Variants in TGFBRAP1 observed in about 807,000 individuals in gnomAD.
TGFBRAP1 encodes transforming growth factor beta receptor associated protein 1, also known as transforming growth factor-beta receptor-associated protein 1.
In TGFBRAP1, 20 loss-of-function variants were observed where a neutral mutation model predicts 83.2. The observed-to-expected ratio is 0.24, with a 90% CI of 0.17 to 0.35. The LOEUF (loss-of-function observed/expected upper bound fraction) is 0.35. Among genes scored for constraint, TGFBRAP1 ranks in the 10% least tolerant of loss-of-function variants. The pLI is 1.00. For missense variants in TGFBRAP1, 950 were observed against 1,099.4 expected (o/e 0.86, Z 1.92); for synonymous variants, 415 against 459.8 (o/e 0.90, Z 1.25).
intron 7 of TGFBRAP1, among the ~76,000 whole-genome samples, chr2:105,277,084 G>A (rs916190004): frequency 2.0e-5 from 3 of 152,174 alleles, no homozygotes; most frequent in African/African-American, 4.8e-5. Flanking sequence ...CTAATAAATC[G>A]ATGCCATTTT....
chr2:105,296,595 A>G (rs1678098065), intron 3 of TGFBRAP1, 85 bp from the exon 4 acceptor site: 2 of 1,459,254 alleles, frequency 1.4e-6, no homozygotes, highest in Non-Finnish European at 1.8e-6. Flanking sequence ...CTGGATCATT[A>G]CCTGATTTGT....
intron 9 of TGFBRAP1, 130 bp from the exon 10 acceptor site, chr2:105,273,144 G>C (rs1034431820): frequency 1.0e-5 from 12 of 1,165,650 alleles, no homozygotes; most frequent in Non-Finnish European, 1.2e-5. Context: ...CTCACTTGCT[G>C]GATCGAAACC....
intron 4 of TGFBRAP1, among the ~76,000 whole-genome samples, chr2:105,294,305 A>G (rs1248909960): frequency 1.2e-5 from 1 of 84,816 alleles, no homozygotes; most frequent in Non-Finnish European, 2.5e-5. Context: ...CATAGGAGTG[A>G]GGGTGTGTGT....
chr2:105,251,702 G>A, the TGFBRAP1 span, among the ~76,000 whole-genome samples: 2 of 152,144 alleles, frequency 1.3e-5, no homozygotes, highest in Admixed American at 1.3e-4. Flanking sequence ...GGAATAGAAA[G>A]GGGGGAAAGG....
At position 105,308,176 on chromosome 2, in the gene TGFBRAP1, G is replaced by A. The variant is rs981457656; in HGVS notation, c.126C>T (p.Asn42=). ...CCGRDLYVGT[N]DCFVYHFLLE... ...ACAGGAAGTGGTAGACGAAGCAGTC[G>A]TTGGTGCCCACGTAGAGGTCCCTGC... The change falls in exon 2 of 12, where the codon AAC becomes AAT. Residue 42 remains asparagine, a synonymous_variant. Coordinates refer to ENST00000393359, the MANE Select transcript of TGFBRAP1 (RefSeq NM_004257.6). 19 of 1,614,078 alleles carry A rather than the reference G, an allele frequency of 1.2e-5. No homozygotes were observed. The highest frequency in any genetic ancestry group is 2.2e-5 in the South Asian group (2 of 91,090).
At chr2:105,301,024 G>A (rs1678270722) in intron 2 of TGFBRAP1, among the ~76,000 whole-genome samples, 1 of 152,044 alleles carries the variant, frequency 6.6e-6, no homozygotes, top group African/African-American at 2.4e-5. Flanking sequence ...AGGAGTTCAA[G>A]ACCAGCCTGG....
intron 9 of TGFBRAP1, among the ~76,000 whole-genome samples, chr2:105,273,262 A>G (rs959694665): frequency 1.3e-5 from 2 of 152,162 alleles, no homozygotes; most frequent in Non-Finnish European, 2.9e-5. Context: ...ATAACCTACA[A>G]AAAGGTATAG....
At chr2:105,298,794 G>C in intron 2 of TGFBRAP1, 89 bp from the exon 3 acceptor site, 1 of 1,269,208 alleles carries the variant, frequency 7.9e-7, no homozygotes, top group Non-Finnish European at 1.1e-6. Context: ...ACCGACCCCT[G>C]CCCACCAGCA....
At chr2:105,290,877 G>A (rs1047511174) in intron 4 of TGFBRAP1, among the ~76,000 whole-genome samples, 16 of 151,942 alleles carry the variant, frequency 1.1e-4, no homozygotes, top group Admixed American at 5.9e-4. Context: ...GTCATGGCAC[G>A]TGCCTGTAAT....
In TGFBRAP1 at chr2:105,296,433, G is replaced by C. The variant is rs764771412; in HGVS notation, c.961C>G (p.Leu321Val). Reference protein sequence around the residue: ...LPLEKQIQDLLASRRVEEALV... With the variant: ...LPLEKQIQDLVASRRVEEALV... ...GCCTCTTCTACTCTGCGGCTTGCTA[G>C]AAGATCCTGTATTTGTTTTTCCAAA... Residue 321 changes from leucine to valine, a missense_variant, in exon 4 of 12, where the codon CTA becomes GTA. Physicochemically the swap from Leu to Val is conservative, Grantham distance 32. Transcript: ENST00000393359. 1 of 1,614,066 alleles carries C rather than the reference G, an allele frequency of 6.2e-7. No homozygotes were observed. The highest frequency in any genetic ancestry group is 8.5e-7 in the Non-Finnish European group (1 of 1,180,012).
chr2:105,293,633 T>C (rs1171829039), intron 4 of TGFBRAP1, among the ~76,000 whole-genome samples: 1 of 152,226 alleles, frequency 6.6e-6, no homozygotes, highest in Non-Finnish European at 1.5e-5. Flanking sequence ...GTTAACCATA[T>C]GAGCTGAATA....
chr2:105,292,084 G>A (rs1482245539), intron 4 of TGFBRAP1, among the ~76,000 whole-genome samples: 1 of 152,178 alleles, frequency 6.6e-6, no homozygotes, highest in African/African-American at 2.4e-5. Context: ...AAACTCAAGA[G>A]ACAGTGTCCC....
intron 1 of TGFBRAP1, among the ~76,000 whole-genome samples, chr2:105,318,171 C>T (rs1407960874): frequency 6.6e-6 from 1 of 152,170 alleles, no homozygotes; most frequent in Non-Finnish European, 1.5e-5. Context: ...CACAGCAATC[C>T]TGTTTGAGAC....
intron 4 of TGFBRAP1, among the ~76,000 whole-genome samples, chr2:105,291,487 A>G (rs891731273): frequency 6.6e-6 from 1 of 152,200 alleles, no homozygotes; most frequent in Non-Finnish European, 1.5e-5. Context: ...TTGGTTCATA[A>G]CAGCACTACT....
intron 6 of TGFBRAP1, among the ~76,000 whole-genome samples, chr2:105,278,068 A>ATGTGTGTGTGTG (rs56983977): frequency 1.0e-4 from 15 of 145,532 alleles, no homozygotes; most frequent in African/African-American, 3.3e-4. Flanking sequence ...CAAAAAATAT[A>ATGTGTGTGTGTG]TGTGTGTGTG....
rs1678541790 is a variant in TGFBRAP1 at position 105,307,501 on chromosome 2, G to A, written c.688+113C>T. ...CTGCTACCTCTGTCTTGCCACACAC[G>A]CCCAATGTCACTGAGGATTTATTCT... On this transcript the variant is annotated intron_variant, in intron 2 of 11. Transcript: ENST00000393359. The A allele has an allele frequency of 1.4e-5, 16 of 1,146,122 alleles. No individual in the cohort carries two copies. The highest frequency in any genetic ancestry group is 2.2e-5 in the Admixed American group (1 of 44,900). The allele number at this position is 1,146,122 out of a possible 1,614,324, so 71.0% of individuals were successfully genotyped here. A position where few individuals can be genotyped will look rare whatever the true frequency, so the allele number is the denominator to read the frequency against.
rs3060065 is a variant in TGFBRAP1 at position 105,290,616 on chromosome 2, AGTGTGTGTGTGTGTGTGTGT to A, written c.1038+5720_1038+5739del. Among the ~76,000 whole-genome samples the A allele has an allele frequency of 2.4e-4, 34 of 140,098 alleles. 1 individual carries two copies. The South Asian group carries it at 6.3e-3, about 26-fold the overall frequency. The allele number at this position is 140,098 out of a possible 152,430, so 91.9% of individuals were successfully genotyped here. ...GAGAGAAAGAGAGAAACAGAGAGAC[AGTGTGTGTGTGTGTGTGTGT>A]GTGTGTGTGTGTGTGTGTGTGTGAA... On this transcript the variant is annotated intron_variant, in intron 4 of 11. Coordinates refer to ENST00000393359, the MANE Select transcript of TGFBRAP1 (RefSeq NM_004257.6).
In TGFBRAP1 at chr2:105,324,086, T is replaced by C. The variant is rs966583110; in HGVS notation, c.-18+5539A>G. ...TTAAATGCAAAGTGGGGAAACTGGA[T>C]CAGAAAAAGGATCCTGGAACAGAAA... On this transcript the variant is annotated intron_variant, in intron 1 of 11. Coordinates refer to ENST00000393359, the MANE Select transcript of TGFBRAP1 (RefSeq NM_004257.6). 2.0e-5 allele frequency: 3 copies of C among 152,010 alleles called. No individual in the cohort carries two copies. The East Asian group carries it at 5.8e-4, about 30-fold the overall frequency. 9.4% of individuals were successfully genotyped at this position (152,010 alleles called of 1,614,324 possible). A position where few individuals can be genotyped will look rare whatever the true frequency, so the allele number is the denominator to read the frequency against.
intron 1 of TGFBRAP1, among the ~76,000 whole-genome samples, chr2:105,308,519 C>G (rs1002434125): frequency 6.6e-6 from 1 of 152,196 alleles, no homozygotes; most frequent in South Asian, 2.1e-4. Flanking sequence ...ACCACAGACA[C>G]ATACACACAC....
Sources: gnomAD v4.1 joint callset for allele counts (sites outside exome capture counted in the v4.1 genomes callset) on GRCh38, gnomAD v4.1.1 for gene constraint, MANE v1.5 for transcripts, NCBI Gene and HGNC (gene_info 2026-07-23, HGNC 2026-07-21) for gene names.